The following CNIH3 variants were observed in gnomAD, a reference collection of about 807,000 sequenced individuals.
CNIH3 encodes the protein protein cornichon homolog 3.
A neutral mutation model predicts 24.1 loss-of-function variants in CNIH3; 14 were observed. That is an observed-to-expected ratio of 0.58 (90% CI 0.38 to 0.91). The LOEUF (loss-of-function observed/expected upper bound fraction) is 0.91, where lower values mean the gene tolerates loss of function less well. Ranked by LOEUF, CNIH3 falls within the 40% of genes least tolerant of loss-of-function variation. The pLI is 0.00. For missense variants in CNIH3, 178 were observed against 196.8 expected (o/e 0.90, Z 0.57); for synonymous variants, 68 against 73.8 (o/e 0.92, Z 0.40).
chr1:224,623,587 C>G (rs1283518922), intron 1 of CNIH3, among the ~76,000 whole-genome samples: 1 of 152,084 alleles, frequency 6.6e-6, no homozygotes, highest in Non-Finnish European at 1.5e-5. Flanking sequence ...TGTCCCCCAC[C>G]CCTGACTGCC....
upstream of CNIH3, among the ~76,000 whole-genome samples, chr1:224,612,014 C>T (rs115205854): frequency 3.2e-3 from 484 of 152,254 alleles, 1 homozygote; most frequent in African/African-American, 0.011. This position sits in a 1 kb window ranked among gnomAD's most constrained non-coding sequence, Gnocchi z 4.7. Context: ...AAAGCAGGAC[C>T]AGGTAAATGG....
chr1:224,566,031 GTT>G (rs11299803), intron 3 of CNIH3, among the ~76,000 whole-genome samples: 371 of 146,678 alleles, frequency 2.5e-3, no homozygotes, highest in Middle Eastern at 0.011. Context: ...CTGGCTTTCT[GTT>G]TTTTTTTTTT....
intron 1 of CNIH3, among the ~76,000 whole-genome samples, chr1:224,642,075 T>G (rs1034800071): frequency 1.3e-5 from 2 of 152,240 alleles, no homozygotes; most frequent in Non-Finnish European, 1.5e-5. Flanking sequence ...TAACAAGATT[T>G]GTTACATGGT....
chr1:224,581,286 G>C (rs1243758921), intron 4 of CNIH3, among the ~76,000 whole-genome samples: 7 of 152,092 alleles, frequency 4.6e-5, no homozygotes, highest in African/African-American at 1.4e-4. Context: ...GGCTGAGTGT[G>C]TTTAGTCTTC....
At chr1:224,695,385 CA>C (rs1558303293) in intron 3 of CNIH3, among the ~76,000 whole-genome samples, 6 of 146,732 alleles carry the variant, frequency 4.1e-5, no homozygotes, top group South Asian at 2.1e-4. Flanking sequence ...CACACACACA[CA>C]CACACACACC....
At chr1:224,640,638 C>T (rs1478200934) in intron 1 of CNIH3, among the ~76,000 whole-genome samples, 1 of 152,236 alleles carries the variant, frequency 6.6e-6, no homozygotes, top group Non-Finnish European at 1.5e-5. Flanking sequence ...TGCCCAGTGT[C>T]TGTGCAGGCA....
At chr1:224,546,907 C>A (rs1043171452) in exon 3 of CNIH3, 9 of 985,100 alleles carry the variant, frequency 9.1e-6, no homozygotes, top group Non-Finnish European at 1.1e-5. Context: ...CTGGAAGAAG[C>A]ACATATTTTT....
intron 1 of CNIH3, among the ~76,000 whole-genome samples, chr1:224,489,882 G>A (rs1305108575): frequency 6.6e-6 from 1 of 152,170 alleles, no homozygotes; most frequent in African/African-American, 2.4e-5. Flanking sequence ...AGGGGGCAAG[G>A]CAGTTCTTGG....
intron 4 of CNIH3, among the ~76,000 whole-genome samples, chr1:224,578,643 A>G (rs1681138237): frequency 6.6e-6 from 1 of 152,188 alleles, no homozygotes; most frequent in African/African-American, 2.4e-5. Flanking sequence ...GAGATCTTAT[A>G]TACCTAAAAA....
chr1:224,454,505 A>T (rs755026078), intron 1 of CNIH3, among the ~76,000 whole-genome samples: 1 of 152,050 alleles, frequency 6.6e-6, no homozygotes, highest in Non-Finnish European at 1.5e-5. Context: ...CTGGTGAGGA[A>T]TGTTTCCTCT....
chr1:224,598,475 A>G (rs557531957), intron 3 of CNIH3, among the ~76,000 whole-genome samples: 4 of 152,376 alleles, frequency 2.6e-5, no homozygotes, highest in African/African-American at 9.6e-5. Flanking sequence ...GTGGCAGGGT[A>G]TGAAAGAATT....
In CNIH3 at chr1:224,474,863, TA is replaced by T. The variant is rs1452937086; in HGVS notation, n.203+40007del. Among the ~76,000 whole-genome samples the T allele has an allele frequency of 2.9e-4, 33 of 113,994 alleles. No individual in the cohort carries two copies. In the South Asian group the frequency reaches 3.0e-3, roughly 10 times the overall value. 74.8% of individuals were successfully genotyped at this position (113,994 alleles called of 152,430 possible). Reference sequence around the variant, plus strand: ...TAACACGGTGAAACCCCGTCTCTACTAAAAAATACAAAAAAATAAAAATAAA... The same window carrying T: ...TAACACGGTGAAACCCCGTCTCTACTAAAAATACAAAAAAATAAAAATAAA... On this transcript the variant is annotated intron_variant and non_coding_transcript_variant, in intron 1 of 5. Transcript: ENST00000471578.
At chr1:224,690,054 C>T (rs1045181482) in intron 3 of CNIH3, among the ~76,000 whole-genome samples, 2 of 152,034 alleles carry the variant, frequency 1.3e-5, no homozygotes, top group African/African-American at 2.4e-5. Context: ...GCAAGTTTAG[C>T]GAGTGGTTCG....
intron 3 of CNIH3, among the ~76,000 whole-genome samples, chr1:224,711,833 T>A (rs954629797): frequency 6.6e-6 from 1 of 151,446 alleles, no homozygotes; most frequent in Non-Finnish European, 1.5e-5. Flanking sequence ...CAGGAAGTTT[T>A]GTTGGCTTCT....
At chr1:224,464,450 T>C (rs2102988490) in intron 1 of CNIH3, among the ~76,000 whole-genome samples, 1 of 152,302 alleles carries the variant, frequency 6.6e-6, no homozygotes, top group Admixed American at 6.5e-5. Flanking sequence ...AATTTTTGAA[T>C]AGGTAATACT....
chr1:224,716,892 C>T (rs984901178), intron 3 of CNIH3, among the ~76,000 whole-genome samples: 1 of 152,208 alleles, frequency 6.6e-6, no homozygotes, highest in Non-Finnish European at 1.5e-5. Flanking sequence ...CCTCATCAGG[C>T]CCCTTCAGAA....
At chr1:224,485,046 C>T (rs1490672950) in intron 1 of CNIH3, among the ~76,000 whole-genome samples, 1 of 152,158 alleles carries the variant, frequency 6.6e-6, no homozygotes, top group Non-Finnish European at 1.5e-5. Context: ...TTGTCAATTT[C>T]AGCATATTGA....
chr1:224,648,657 C>T (rs545890446), intron 1 of CNIH3, among the ~76,000 whole-genome samples: 5 of 152,190 alleles, frequency 3.3e-5, no homozygotes, highest in East Asian at 1.9e-4. Context: ...ATTGGAATAC[C>T]GATTTTGCCT....
chr1:224,550,799 C>T (rs1400228942), intron 3 of CNIH3, among the ~76,000 whole-genome samples: 1 of 151,718 alleles, frequency 6.6e-6, no homozygotes, highest in Non-Finnish European at 1.5e-5. Context: ...GTGTGCTGCA[C>T]CCATTAACTC....
Sources: allele counts gnomAD v4.1 joint callset (sites outside exome capture counted in the v4.1 genomes callset), GRCh38; gene constraint gnomAD v4.1.1; non-coding constraint Gnocchi (gnomAD v3.1); transcripts MANE v1.5; gene names NCBI Gene and HGNC (gene_info 2026-07-23, HGNC 2026-07-21).